The following B3GALT1 variants were observed in gnomAD, a reference collection of about 807,000 sequenced individuals.
B3GALT1 encodes the protein beta-1,3-galactosyltransferase 1, also known as UDP-Gal:betaGlcNAc beta 1,3-galactosyltransferase, polypeptide 1.
A neutral mutation model predicts 23.2 loss-of-function variants in B3GALT1; 10 were observed. The ratio of observed to expected loss-of-function variants is 0.43; its 90% CI spans 0.27 to 0.73. B3GALT1 has a LOEUF of 0.73. Among genes scored for constraint, B3GALT1 ranks in the 30% least tolerant of loss-of-function variants. The pLI is 0.21. For synonymous variants in B3GALT1, 156 were observed against 141.5 expected (o/e 1.10, Z -0.73); for missense variants, 299 against 405.4 (o/e 0.74, Z 2.25).
chr2:167,865,724 G>A lies in B3GALT1; in HGVS notation c.-229-3087G>A, dbSNP rs187018126. Among the ~76,000 whole-genome samples, 726 of 152,162 alleles carry A rather than the reference G, an allele frequency of 4.8e-3. 5 individuals are homozygous for A. Among genetic ancestry groups the A allele is most frequent in the African/African-American group, 0.016 (682 of 41,500 alleles). ...GGAGAATGGCGTGAACCCGGGAGGCGGAGTTTGCAGTGAGCCGAGATTGCA... is the reference window on the plus strand; with the variant it reads ...GGAGAATGGCGTGAACCCGGGAGGCAGAGTTTGCAGTGAGCCGAGATTGCA... On this transcript the variant is annotated intron_variant, in intron 4 of 4. Coordinates refer to ENST00000392690, the MANE Select transcript of B3GALT1 (RefSeq NM_020981.4).
intron 1 of B3GALT1, among the ~76,000 whole-genome samples, chr2:167,323,704 C>G (rs1406913332): frequency 6.6e-6 from 1 of 151,960 alleles, no homozygotes; most frequent in Non-Finnish European, 1.5e-5. Context: ...TACTTATATT[C>G]TGTTTCCCAT....
intron 2 of B3GALT1, among the ~76,000 whole-genome samples, chr2:167,566,921 A>G (rs887719431): frequency 6.6e-6 from 1 of 152,182 alleles, no homozygotes; most frequent in African/African-American, 2.4e-5. Context: ...ATCGTGAACC[A>G]TCATCTGAAT....
chr2:167,740,389 A>G (rs1031686219), intron 3 of B3GALT1, among the ~76,000 whole-genome samples: 1 of 152,152 alleles, frequency 6.6e-6, no homozygotes. Context: ...GTTCCTGAAC[A>G]TCAGTGAAAC....
intron 3 of B3GALT1, among the ~76,000 whole-genome samples, chr2:167,818,260 G>A (rs1022201274): frequency 2.0e-5 from 3 of 152,216 alleles, no homozygotes; most frequent in South Asian, 2.1e-4. Context: ...AAAATTGGAC[G>A]TTGTGACATC....
chr2:167,678,922 T>C (rs1686475823), intron 3 of B3GALT1, among the ~76,000 whole-genome samples: 1 of 152,152 alleles, frequency 6.6e-6, no homozygotes. Flanking sequence ...TCCTGTAAAA[T>C]ATCTTAAAAT....
At chr2:167,603,358 T>G (rs904202658) in intron 2 of B3GALT1, among the ~76,000 whole-genome samples, 9 of 152,190 alleles carry the variant, frequency 5.9e-5, no homozygotes, top group Non-Finnish European at 1.2e-4. Context: ...TTAGATTGTC[T>G]CTTATTGAAA....
chr2:167,434,493 AAT>A (rs1246171309), intron 1 of B3GALT1, among the ~76,000 whole-genome samples: 2 of 146,768 alleles, frequency 1.4e-5, no homozygotes, highest in Non-Finnish European at 3.0e-5. Flanking sequence ...TAATTACTTC[AAT>A]ATATCTCTCT....
At chr2:167,561,324 A>G (rs568495328) in intron 2 of B3GALT1, among the ~76,000 whole-genome samples, 3 of 152,348 alleles carry the variant, frequency 2.0e-5, no homozygotes, top group African/African-American at 7.2e-5. Context: ...ACGGAAATTT[A>G]TAGGACTAAA....
intron 3 of B3GALT1, among the ~76,000 whole-genome samples, chr2:167,665,573 G>T (rs1037932143): frequency 6.6e-6 from 1 of 151,612 alleles, no homozygotes; most frequent in Non-Finnish European, 1.5e-5. Context: ...GTAGAATTCG[G>T]CTGTGAGTCC....
At chr2:167,452,802 A>G (rs1409540717) in intron 1 of B3GALT1, among the ~76,000 whole-genome samples, 1 of 152,158 alleles carries the variant, frequency 6.6e-6, no homozygotes, top group Non-Finnish European at 1.5e-5. Flanking sequence ...AACCAAAGAT[A>G]CAAGAGGCTG....
intron 4 of B3GALT1, among the ~76,000 whole-genome samples, chr2:167,836,362 G>C (rs562190692): frequency 1.3e-5 from 2 of 152,144 alleles, no homozygotes; most frequent in African/African-American, 2.4e-5. Context: ...GCCAAGGCTC[G>C]AGAACTATGT....
intron 2 of B3GALT1, among the ~76,000 whole-genome samples, chr2:167,538,811 T>C (rs1274349343): frequency 3.9e-5 from 6 of 152,208 alleles, no homozygotes; most frequent in African/African-American, 1.2e-4. Context: ...TTCTTTAAAA[T>C]ACTTAACTGT....
At position 167,303,720 on chromosome 2, in the gene B3GALT1, C is replaced by T. The variant is rs1231592588; in HGVS notation, c.-511+10386C>T. Reference sequence around the variant, plus strand: ...TGTTGCTGCCATTTTACTGGAGAACCCTAATACAAATTTTGGTACCAGGAG... The same window carrying T: ...TGTTGCTGCCATTTTACTGGAGAACTCTAATACAAATTTTGGTACCAGGAG... On this transcript the variant is annotated intron_variant, in intron 1 of 4. Coordinates refer to ENST00000392690, the MANE Select transcript of B3GALT1 (RefSeq NM_020981.4). Among the ~76,000 whole-genome samples, 10 of 150,956 alleles carry T rather than the reference C, an allele frequency of 6.6e-5. No homozygotes were observed. The Admixed American group carries it at 6.6e-4, about 10-fold the overall frequency.
chr2:167,843,450 A>G (rs993159371), intron 4 of B3GALT1, among the ~76,000 whole-genome samples: 1 of 152,176 alleles, frequency 6.6e-6, no homozygotes, highest in Non-Finnish European at 1.5e-5. Flanking sequence ...CTTGGCAGTC[A>G]GGTCAAATCA....
intron 3 of B3GALT1, among the ~76,000 whole-genome samples, chr2:167,749,314 A>G (rs1294698632): frequency 2.0e-5 from 3 of 152,174 alleles, no homozygotes; most frequent in African/African-American, 4.8e-5. Flanking sequence ...TCTGGTACCT[A>G]TGTGTCCGAT....
At chr2:167,586,424 C>T (rs1400392312) in intron 2 of B3GALT1, among the ~76,000 whole-genome samples, 2 of 152,160 alleles carry the variant, frequency 1.3e-5, no homozygotes, top group South Asian at 2.1e-4. Flanking sequence ...CTCAGCCTCC[C>T]GAGTAGCCGG....
At position 167,870,058 on chromosome 2, in the gene B3GALT1, TAAG is replaced by T. The variant is rs756408320; in HGVS notation, c.*41_*43del. ...TGTAAATATGTTTCTTTTCTTTTTT[TAAG>T]AAATGGGACCTAAGGTGTTGGTATT... On this transcript the variant is annotated 3_prime_UTR_variant, in exon 5 of 5. Coordinates refer to ENST00000392690, the MANE Select transcript of B3GALT1 (RefSeq NM_020981.4). 1.3e-6 allele frequency: 2 copies of T among 1,531,266 alleles called. No homozygotes were observed. Among genetic ancestry groups the T allele is most frequent in the Admixed American group, 3.9e-5 (2 of 51,108 alleles). The allele number at this position is 1,531,266 out of a possible 1,614,324, so 94.9% of individuals were successfully genotyped here. A position where few individuals can be genotyped will look rare whatever the true frequency, so the allele number is the denominator to read the frequency against.
chr2:167,758,861 G>C (rs951870918), intron 3 of B3GALT1, among the ~76,000 whole-genome samples: 6 of 152,166 alleles, frequency 3.9e-5, no homozygotes, highest in African/African-American at 1.2e-4. Flanking sequence ...CAGGGTAACT[G>C]TTACTTGGGA....
chr2:167,827,899 C>T (rs1689261271), intron 4 of B3GALT1, among the ~76,000 whole-genome samples: 1 of 152,142 alleles, frequency 6.6e-6, no homozygotes, highest in Admixed American at 6.5e-5. Flanking sequence ...AGAAGGTCAA[C>T]ACAGAGGGCT....
Sources: allele counts gnomAD v4.1 joint callset (sites outside exome capture counted in the v4.1 genomes callset), GRCh38; gene constraint gnomAD v4.1.1; transcripts MANE v1.5; gene names NCBI Gene and HGNC (gene_info 2026-07-23, HGNC 2026-07-21).